Variants in TRDMT1 observed in about 807,000 individuals in gnomAD.
The protein encoded by TRDMT1 is tRNA aspartic acid methyltransferase 1, also known as tRNA (cytosine(38)-C(5))-methyltransferase.
Under a neutral mutation model 51.2 loss-of-function variants are expected in TRDMT1, and 49 were observed. The ratio of observed to expected loss-of-function variants is 0.96; its 90% confidence interval spans 0.76 to 1.21. The LOEUF (loss-of-function observed/expected upper bound fraction) is 1.21, where lower values mean the gene tolerates loss of function less well. TRDMT1 is among the 50% of genes most tolerant of loss of function. TRDMT1 has a pLI of 0.00. For missense variants in TRDMT1, 534 were observed against 462.3 expected, an observed-to-expected ratio of 1.16 and a Z score of -1.42; for synonymous variants, 187 against 164.6, an observed-to-expected ratio of 1.14 and a Z score of -1.04.
intron 1 of TRDMT1, among the ~76,000 whole-genome samples, chr10:17,183,538 T>A (rs1184614010): frequency 2.0e-5 from 3 of 152,114 alleles, no homozygotes; most frequent in Non-Finnish European, 2.9e-5. Context: ...CTGCTTCAGC[T>A]TCCTGAGTAG....
chr10:17,164,749 T>C (rs1169825326), intron 3 of TRDMT1, among the ~76,000 whole-genome samples: 1 of 152,184 alleles, frequency 6.6e-6, no homozygotes, highest in Non-Finnish European at 1.5e-5. Context: ...AGCCAAATCA[T>C]GAGTGAACTC....
At chr10:17,181,881 T>G (rs1022340379) in intron 1 of TRDMT1, among the ~76,000 whole-genome samples, 1 of 152,176 alleles carries the variant, frequency 6.6e-6, no homozygotes, top group Non-Finnish European at 1.5e-5. Context: ...ATCTGGCCCC[T>G]CCTTTTCTGG....
chr10:17,169,029 T>C (rs1161547316), intron 2 of TRDMT1, 112 bp from the exon 3 acceptor site: 15 of 733,596 alleles, frequency 2.0e-5, no homozygotes, highest in Middle Eastern at 2.6e-4. Context: ...CAGTTTATAA[T>C]ACAATGCTTG....
In TRDMT1 at chr10:17,143,910, C is replaced by T. The variant is rs1390743646; in HGVS notation, c.*5130G>A. 1.8e-5 allele frequency: 18 copies of T among 981,470 alleles called. No individual in the cohort carries two copies. Among genetic ancestry groups the T allele is most frequent in the Non-Finnish European group, 2.2e-5 (18 of 828,214 alleles). The allele number at this position is 981,470 out of a possible 1,614,324, so 60.8% of individuals were successfully genotyped here. ...GGAGTGTGCTTAGGTTGCAAGCATG[C>T]TAAATTTGATGCAAATCCGATACAA... On this transcript the variant is annotated 3_prime_UTR_variant, in exon 11 of 11. Coordinates refer to ENST00000377799, the MANE Select transcript of TRDMT1 (RefSeq NM_004412.7).
intron 6 of TRDMT1, among the ~76,000 whole-genome samples, chr10:17,160,050 CT>C (rs1840097862): frequency 6.6e-6 from 1 of 152,032 alleles, no homozygotes; most frequent in African/African-American, 2.4e-5. Context: ...TCAAAATATG[CT>C]ATCCTTTGCT....
intron 2 of TRDMT1, among the ~76,000 whole-genome samples, chr10:17,174,104 T>C (rs917074788): frequency 2.0e-5 from 3 of 152,226 alleles, no homozygotes; most frequent in Admixed American, 2.0e-4. Context: ...TAAATCAGTG[T>C]TTCAATACTT....
At position 17,161,364 on chromosome 10, in the gene TRDMT1, AT is replaced by A. The variant is rs1421672231; in HGVS notation, c.389+118del. 8.7e-6 allele frequency: 6 copies of A among 686,024 alleles called. No homozygotes were observed. In the Admixed American group the frequency reaches 2.7e-4, roughly 31 times the overall value. 42.5% of individuals were successfully genotyped at this position (686,024 alleles called of 1,614,324 possible). A position where few individuals can be genotyped will look rare whatever the true frequency, so the allele number is the denominator to read the frequency against. On this transcript the variant is annotated intron_variant, in intron 5 of 10. Coordinates refer to ENST00000377799, the MANE Select transcript of TRDMT1 (RefSeq NM_004412.7). ...TAAAATCAATACTGATGAGTAAGAC[AT>A]TTAATATATAAAATGTCAGAATGTA...
chr10:17,156,572 A>G (rs988183848), intron 8 of TRDMT1, among the ~76,000 whole-genome samples: 19 of 152,130 alleles, frequency 1.2e-4, no homozygotes, highest in African/African-American at 4.6e-4. Flanking sequence ...TCCCCTTTCT[A>G]GGTTTAAAAA....
chr10:17,150,326 T>C (rs973110509), intron 10 of TRDMT1: 2 of 954,524 alleles, frequency 2.1e-6, no homozygotes, highest in Non-Finnish European at 2.5e-6. Context: ...ATTGGATTTC[T>C]CTTTTTTTAA....
intron 1 of TRDMT1, among the ~76,000 whole-genome samples, chr10:17,175,879 G>A (rs1332794387): frequency 6.6e-6 from 1 of 152,134 alleles, no homozygotes; most frequent in Admixed American, 6.5e-5. Context: ...CTAAATGGCT[G>A]CTAGGCTCAA....
At chr10:17,154,639 A>C in intron 9 of TRDMT1, 38 bp downstream of exon 9, 2 of 1,510,122 alleles carry the variant, frequency 1.3e-6, no homozygotes, top group Non-Finnish European at 1.8e-6. Flanking sequence ...TTTAGTTAAA[A>C]GTTTTAAAGT....
Position 17,157,602 on chromosome 10 carries a change from A to AT in TRDMT1, c.725dup (p.Asn242LysfsTer5). On this transcript the variant is annotated frameshift_variant, in exon 8 of 11. Transcript: ENST00000377799. LOFTEE classifies it high-confidence loss of function. Reference sequence around the variant, plus strand: ...TCACAGAGAGATCACTATCTTGTTGATTTTTCCTGTGAATTTCTTCTGCAG... The same window carrying AT: ...TCACAGAGAGATCACTATCTTGTTGATTTTTTCCTGTGAATTTCTTCTGCAG... 1 of 1,613,918 alleles carries AT rather than the reference A, an allele frequency of 6.2e-7. No individual in the cohort carries two copies. The highest frequency in any genetic ancestry group is 8.5e-7 in the Non-Finnish European group (1 of 1,179,898).
In TRDMT1 at chr10:17,145,672, G is replaced by A. The variant is rs1838043892; in HGVS notation, c.*3368C>T. 1.1e-5 allele frequency: 11 copies of A among 985,312 alleles called. No individual in the cohort carries two copies. The highest frequency in any genetic ancestry group is 1.3e-5 in the Non-Finnish European group (11 of 829,944). 61.0% of individuals were successfully genotyped at this position (985,312 alleles called of 1,614,324 possible). Reference sequence around the variant, plus strand: ...AACCCACTTTAATCTCTTTGTCTATGTGGGATTAAAATTTGGTCCTTATTG... The same window carrying A: ...AACCCACTTTAATCTCTTTGTCTATATGGGATTAAAATTTGGTCCTTATTG... On this transcript the variant is annotated 3_prime_UTR_variant, in exon 11 of 11. Coordinates refer to ENST00000377799, the MANE Select transcript of TRDMT1 (RefSeq NM_004412.7).
intron 1 of TRDMT1, among the ~76,000 whole-genome samples, chr10:17,186,867 A>C (rs1049124165): frequency 6.6e-6 from 1 of 152,216 alleles, no homozygotes. Flanking sequence ...TATAAATTCT[A>C]CATTTAATGG....
intron 1 of TRDMT1, among the ~76,000 whole-genome samples, chr10:17,196,816 A>G (rs1174469560): frequency 6.6e-6 from 1 of 152,170 alleles, no homozygotes; most frequent in African/African-American, 2.4e-5. Flanking sequence ...TCCACATGAT[A>G]AGACCTCAGT....
intron 1 of TRDMT1, among the ~76,000 whole-genome samples, chr10:17,199,198 C>G (rs1200325030): frequency 1.3e-5 from 2 of 152,062 alleles, no homozygotes; most frequent in Non-Finnish European, 2.9e-5. Flanking sequence ...GGAAGGCAAA[C>G]AAGTGTGGAA....
intron 4 of TRDMT1, 113 bp downstream of exon 4, chr10:17,162,053 T>C: frequency 1.1e-6 from 1 of 880,422 alleles, no homozygotes; most frequent in Non-Finnish European, 1.8e-6. Context: ...AGGCCCAATA[T>C]CTCAAGGGAG....
chr10:17,184,898 T>C (rs762222523), intron 1 of TRDMT1, among the ~76,000 whole-genome samples: 15 of 152,196 alleles, frequency 9.9e-5, no homozygotes, highest in Non-Finnish European at 1.9e-4. Flanking sequence ...TGTTCATACG[T>C]CCTGATGAAG....
chr10:17,158,794 C>T (rs1160874703), intron 7 of TRDMT1, among the ~76,000 whole-genome samples: 1 of 151,876 alleles, frequency 6.6e-6, no homozygotes, highest in East Asian at 1.9e-4. Flanking sequence ...CAAAAGTAAC[C>T]AATGGCTTCT....
Sources: gnomAD v4.1 joint callset for allele counts (sites outside exome capture counted in the v4.1 genomes callset) on GRCh38, gnomAD v4.1.1 for gene constraint, MANE v1.5 for transcripts, NCBI Gene and HGNC (gene_info 2026-07-23, HGNC 2026-07-21) for gene names.